Variants in GRIK4 observed in about 807,000 individuals in gnomAD.
GRIK4 encodes the protein glutamate receptor ionotropic, kainate 4.
A neutral mutation model predicts 104.9 loss-of-function variants in GRIK4; 40 were observed. That is an observed-to-expected ratio of 0.38 (90% CI 0.30 to 0.50). The LOEUF (loss-of-function observed/expected upper bound fraction) is 0.50. Among genes scored for constraint, GRIK4 ranks in the 20% least tolerant of loss-of-function variants. The probability of loss-of-function intolerance (pLI) is 0.93; values close to 1 mark genes in which losing one functional copy is unlikely to be tolerated. For synonymous variants in GRIK4, 485 were observed against 524.9 expected (o/e 0.92, Z 1.04); for missense variants, 1,047 against 1,308.1 (o/e 0.80, Z 3.08).
At chr11:120,971,582 A>G (rs1944476527) in intron 19 of GRIK4, among the ~76,000 whole-genome samples, 1 of 152,244 alleles carries the variant, frequency 6.6e-6, no homozygotes, top group South Asian at 2.1e-4. Flanking sequence ...CTCTGAAATT[A>G]CCAAAAGGAT....
chr11:120,523,523 C>T (rs1947820725), intron 1 of GRIK4, among the ~76,000 whole-genome samples: 1 of 152,198 alleles, frequency 6.6e-6, no homozygotes, highest in Non-Finnish European at 1.5e-5. Context: ...ACTTCTCTCG[C>T]TGCTTCTCCA....
intron 13 of GRIK4, among the ~76,000 whole-genome samples, chr11:120,935,680 A>G (rs909103746): frequency 6.6e-6 from 1 of 152,246 alleles, no homozygotes; most frequent in South Asian, 2.1e-4. Flanking sequence ...AACGACAGTT[A>G]TCATGTGTAA....
In GRIK4 at chr11:120,986,500, T is replaced by C. The variant is rs1944757360; in HGVS notation, c.*240T>C. ...AAGGGCAAAGGACGGCCCTCCCTCC[T>C]GGGCACAAGGACCCATCTTCTCCCA... On this transcript the variant is annotated 3_prime_UTR_variant, in exon 21 of 21. Transcript: ENST00000527524. 2 of 519,362 alleles carry C rather than the reference T, an allele frequency of 3.9e-6. No homozygotes were observed. The highest frequency in any genetic ancestry group is 4.1e-5 in the African/African-American group (2 of 48,732). The allele number at this position is 519,362 out of a possible 1,614,324, so 32.2% of individuals were successfully genotyped here.
At chr11:120,622,400 G>A (rs1254212748) in intron 1 of GRIK4, among the ~76,000 whole-genome samples, 1 of 152,164 alleles carries the variant, frequency 6.6e-6, no homozygotes, top group Non-Finnish European at 1.5e-5. Context: ...CACTTATCTG[G>A]GTAGTTTGAC....
In GRIK4 at chr11:120,988,209, A is replaced by C. The variant is rs945438787; in HGVS notation, c.*1949A>C. Reference sequence around the variant, plus strand: ...TTATCTTTTTTCTCTTTAACCATCAAATGACAACAAGCTGTGCAAGACACT... The same window carrying C: ...TTATCTTTTTTCTCTTTAACCATCACATGACAACAAGCTGTGCAAGACACT... On this transcript the variant is annotated 3_prime_UTR_variant, in exon 21 of 21. Coordinates refer to ENST00000527524, the MANE Select transcript of GRIK4 (RefSeq NM_014619.5). The C allele has an allele frequency of 3.9e-5, 6 of 152,090 alleles. No homozygotes were observed. Among genetic ancestry groups the C allele is most frequent in the African/African-American group, 1.4e-4 (6 of 41,398 alleles). 9.4% of individuals were successfully genotyped at this position (152,090 alleles called of 1,614,324 possible).
At chr11:120,774,850 G>C (rs1481052230) in intron 3 of GRIK4, among the ~76,000 whole-genome samples, 1 of 152,200 alleles carries the variant, frequency 6.6e-6, no homozygotes, top group Non-Finnish European at 1.5e-5. Context: ...GGGCCCAGCT[G>C]AGTGTGAGGG....
At chr11:120,702,176 G>A (rs1477472535) in intron 3 of GRIK4, among the ~76,000 whole-genome samples, 1 of 152,114 alleles carries the variant, frequency 6.6e-6, no homozygotes, top group Admixed American at 6.6e-5. Flanking sequence ...GGATGGCCTC[G>A]ATCTCTTCAC....
At chr11:120,818,984 A>G (rs974055121) in intron 5 of GRIK4, among the ~76,000 whole-genome samples, 6 of 152,244 alleles carry the variant, frequency 3.9e-5, no homozygotes, top group Non-Finnish European at 7.3e-5. Context: ...CCGCCAATAA[A>G]GCAGCCATCA....
chr11:120,693,596 G>A (rs553953343), intron 3 of GRIK4, among the ~76,000 whole-genome samples: 4 of 152,260 alleles, frequency 2.6e-5, no homozygotes, highest in African/African-American at 9.6e-5. Context: ...GGTATAGAGA[G>A]GTAGATAAGA....
At chr11:120,899,940 A>T (rs1190745566) in intron 12 of GRIK4, among the ~76,000 whole-genome samples, 1 of 152,176 alleles carries the variant, frequency 6.6e-6, no homozygotes, top group Non-Finnish European at 1.5e-5. Flanking sequence ...GCTTTTGGAG[A>T]TAATAAAAAG....
chr11:120,511,841 GCAGCGCCCGGCCCCCGGCT>G lies in GRIK4; in HGVS notation c.-200_-182del. 2.8e-6 allele frequency: 1 copy of G among 352,066 alleles called. No homozygotes were observed. The highest frequency in any genetic ancestry group is 3.2e-5 in the Admixed American group (1 of 31,384). The allele number at this position is 352,066 out of a possible 1,614,324, so 21.8% of individuals were successfully genotyped here. A position where few individuals can be genotyped will look rare whatever the true frequency, so the allele number is the denominator to read the frequency against. On this transcript the variant is annotated 5_prime_UTR_variant, in exon 1 of 21. Transcript: ENST00000527524. ...CAACAGCAGCCCCGCGGCCGGCCCGGCAGCGCCCGGCCCCCGGCTCAGCCCCCGGAGTGCGGAGCCGACC... is the reference window on the plus strand; with the variant it reads ...CAACAGCAGCCCCGCGGCCGGCCCGGCAGCCCCCGGAGTGCGGAGCCGACC...
At chr11:120,729,765 A>G (rs1484122136) in intron 3 of GRIK4, among the ~76,000 whole-genome samples, 2 of 151,730 alleles carry the variant, frequency 1.3e-5, no homozygotes, top group Non-Finnish European at 2.9e-5. Context: ...TTTTAATTTG[A>G]TGTGATCCTT....
intron 13 of GRIK4, among the ~76,000 whole-genome samples, chr11:120,938,655 T>G (rs1943649945): frequency 6.6e-6 from 1 of 152,254 alleles, no homozygotes; most frequent in Admixed American, 6.5e-5. Flanking sequence ...CATTCAGAAC[T>G]GATTAGCCTG....
Position 120,744,484 on chromosome 11 carries a change from A to G in GRIK4, c.83-58209A>G, listed in dbSNP as rs145515807. 3.3e-3 allele frequency among the ~76,000 whole-genome samples: 498 copies of G among 152,346 alleles called. 3 individuals are homozygous for G. The highest frequency in any genetic ancestry group is 0.011 in the African/African-American group (467 of 41,574). On this transcript the variant is annotated intron_variant, in intron 3 of 20. Transcript: ENST00000527524. Reference sequence around the variant, plus strand: ...TGTTCTCTGGCTGCGTACAAGAAGGACAACAGGAGTAATGTTGACTGCCAT... The same window carrying G: ...TGTTCTCTGGCTGCGTACAAGAAGGGCAACAGGAGTAATGTTGACTGCCAT...
intron 13 of GRIK4, among the ~76,000 whole-genome samples, chr11:120,909,094 C>T (rs11218056): frequency 1.3e-5 from 2 of 152,208 alleles, no homozygotes; most frequent in African/African-American, 4.8e-5. Context: ...CACCATGGGC[C>T]GGGCCAGGCC....
At chr11:120,914,646 G>T (rs1192899294) in intron 13 of GRIK4, among the ~76,000 whole-genome samples, 1 of 152,172 alleles carries the variant, frequency 6.6e-6, no homozygotes, top group East Asian at 1.9e-4. Context: ...AGCATGAGAG[G>T]GGGTGGAGGA....
intron 3 of GRIK4, among the ~76,000 whole-genome samples, chr11:120,717,408 C>T (rs919018462): frequency 6.6e-6 from 1 of 152,166 alleles, no homozygotes; most frequent in Non-Finnish European, 1.5e-5. Context: ...TGAACCTGCT[C>T]ACAGGCGGAT....
chr11:120,794,144 G>C (rs1031019541), intron 3 of GRIK4, among the ~76,000 whole-genome samples: 5 of 151,048 alleles, frequency 3.3e-5, no homozygotes, highest in Non-Finnish European at 1.5e-5. Context: ...GAAGTTGTTA[G>C]GGCTGAGAGC....
intron 11 of GRIK4, among the ~76,000 whole-genome samples, chr11:120,876,410 C>G: frequency 6.9e-6 from 1 of 143,930 alleles, no homozygotes; most frequent in African/African-American, 2.6e-5. Flanking sequence ...TCACAACCAC[C>G]ATTGTCATCA....
Sources: gnomAD v4.1 joint callset for allele counts (sites outside exome capture counted in the v4.1 genomes callset) on GRCh38, gnomAD v4.1.1 for gene constraint, MANE v1.5 for transcripts, NCBI Gene and HGNC (gene_info 2026-07-23, HGNC 2026-07-21) for gene names.